Variants in DAZAP1 observed in about 807,000 individuals in gnomAD.
The protein encoded by DAZAP1 is DAZ associated protein 1, also known as DAZ-associated protein 1.
Under a neutral mutation model 60.1 loss-of-function variants are expected in DAZAP1, and 6 were observed. That is an observed-to-expected ratio of 0.10 (90% confidence interval 0.05 to 0.20). DAZAP1 has a LOEUF of 0.20. Among genes scored for constraint, DAZAP1 ranks in the 10% least tolerant of loss-of-function variants. The pLI is 1.00. For synonymous variants in DAZAP1, 235 were observed against 215.9 expected (o/e 1.09, Z -0.78); for missense variants, 366 against 560.4 (o/e 0.65, Z 3.50).
chr19:1,417,238 G>A (rs1038890799), intron 1 of DAZAP1: 2 of 520,392 alleles, frequency 3.8e-6, no homozygotes, highest in Admixed American at 3.6e-5. Context: ...GGAACTCATC[G>A]CCCGCCACGC....
intron 6 of DAZAP1, among the ~76,000 whole-genome samples, chr19:1,424,148 C>T (rs1363034756): frequency 6.6e-6 from 1 of 152,026 alleles, no homozygotes; most frequent in Non-Finnish European, 1.5e-5. Context: ...GGGACCCCGC[C>T]TGTGTCTCGG....
chr19:1,429,909 T>A, intron 8 of DAZAP1, 58 bp from the exon 9 acceptor site: 1 of 1,551,312 alleles, frequency 6.4e-7, no homozygotes, highest in Non-Finnish European at 8.7e-7. Flanking sequence ...CGGCTCCTTC[T>A]CTGCGTCGGA....
chr19:1,430,043 C>T lies in DAZAP1; in HGVS notation c.730+47C>T, dbSNP rs1249247950. 3 of 1,577,640 alleles carry T rather than the reference C, an allele frequency of 1.9e-6. No homozygotes were observed. The African/African-American group carries it at 4.0e-5, about 21-fold the overall frequency. ...AAAGGCGGGGACAGAAGCCACATGG[C>T]AGGCTGACTCGCCAGGTGTCCTGGG... is the stretch of plus-strand genomic sequence containing the variant. On this transcript the variant is annotated intron_variant, in intron 9 of 11. Transcript: ENST00000233078.
intron 4 of DAZAP1, among the ~76,000 whole-genome samples, chr19:1,420,112 CAT>C (rs2083111469): frequency 8.4e-6 from 1 of 118,516 alleles, no homozygotes; most frequent in African/African-American, 3.4e-5. Context: ...CGCGCACACT[CAT>C]GAAACCATCC....
Position 1,433,562 on chromosome 19 carries a change from C to T in DAZAP1, c.1048+872C>T. ...GCTGTGGTTCCCCTGCCCCCACGCC[C>T]AGGCCTTGGGCCGAGGTTGCCGCAT... is the stretch of plus-strand genomic sequence containing the variant. On this transcript the variant is annotated intron_variant, in intron 11 of 11. Coordinates refer to ENST00000233078, the MANE Select transcript of DAZAP1 (RefSeq NM_018959.4). The surrounding 1 kb of genome is among the most constrained non-coding windows in gnomAD (Gnocchi z 6.1). The T allele has an allele frequency of 1.7e-6, 1 of 596,374 alleles. No homozygotes were observed. Among genetic ancestry groups the T allele is most frequent in the Non-Finnish European group, 3.0e-6 (1 of 334,642 alleles). The allele number at this position is 596,374 out of a possible 1,614,324, so 36.9% of individuals were successfully genotyped here. A position where few individuals can be genotyped will look rare whatever the true frequency, so the allele number is the denominator to read the frequency against.
At chr19:1,409,028 C>A (rs2082748596) in intron 1 of DAZAP1, among the ~76,000 whole-genome samples, 2 of 152,218 alleles carry the variant, frequency 1.3e-5, no homozygotes, top group South Asian at 4.1e-4. Context: ...AGCTACAGGT[C>A]ACACTTGTGG....
intron 1 of DAZAP1, among the ~76,000 whole-genome samples, chr19:1,413,989 CTG>C (rs3065755): frequency 0.058 from 7,529 of 129,954 alleles, 304 homozygotes; most frequent in African/African-American, 0.13. Context: ...CCCCAGTGAA[CTG>C]TGTGTGTGTG....
Position 1,407,594 on chromosome 19 carries a change from A to T in DAZAP1, c.-180A>T. 2 of 314,842 alleles carry T rather than the reference A, an allele frequency of 6.4e-6. No homozygotes were observed. Among genetic ancestry groups the T allele is most frequent in the Non-Finnish European group, 9.0e-6 (2 of 223,106 alleles). 19.5% of individuals were successfully genotyped at this position (314,842 alleles called of 1,614,324 possible). A position where few individuals can be genotyped will look rare whatever the true frequency, so the allele number is the denominator to read the frequency against. On this transcript the variant is annotated 5_prime_UTR_variant, in exon 1 of 12. Transcript: ENST00000233078. ...CGCGGCGGCGCGGGGACGCGCGGTG[A>T]CCGTTGGCGCCGAGGGGAGGAGGCA...
chr19:1,413,082 G>T (rs1038783136), intron 1 of DAZAP1, among the ~76,000 whole-genome samples: 1 of 152,152 alleles, frequency 6.6e-6, no homozygotes, highest in East Asian at 1.9e-4. Context: ...ATTGCTCACC[G>T]ACCCCTTCAT....
chr19:1,410,382 G>T (rs1169153472), intron 1 of DAZAP1, among the ~76,000 whole-genome samples: 2 of 152,168 alleles, frequency 1.3e-5, no homozygotes, highest in African/African-American at 4.8e-5. Context: ...GTCCTCCTTT[G>T]GGAGCGGGGC....
rs181197435 is a variant in DAZAP1, at chr19:1,432,056, T to C, written c.872-458T>C. 3.0e-4 allele frequency: 51 copies of C among 169,824 alleles called. No homozygotes were observed. The highest frequency in any genetic ancestry group is 2.6e-3 in the Admixed American group (45 of 16,996). The allele number at this position is 169,824 out of a possible 1,614,324, so 10.5% of individuals were successfully genotyped here. ...GGGTGGAACCTCGGCCTGCCTGATA[T>C]CCAGCAACAGAGGGCAAGGGCGGCA... On this transcript the variant is annotated intron_variant, in intron 10 of 11. Coordinates refer to ENST00000233078, the MANE Select transcript of DAZAP1 (RefSeq NM_018959.4). The surrounding 1 kb of genome is among the most constrained non-coding windows in gnomAD (Gnocchi z 4.9).
At position 1,435,645 on chromosome 19, in the gene DAZAP1, A is replaced by T. The variant is rs2083580584; in HGVS notation, c.*733A>T. ...AGGGCGTTTCCCATTGACCAGTTTG[A>T]CCCTGGTTTGAATAAAGAGAAGTGC... On this transcript the variant is annotated 3_prime_UTR_variant, in exon 12 of 12. Transcript: ENST00000233078. 1 of 152,158 alleles carries T rather than the reference A, an allele frequency of 6.6e-6. No individual in the cohort carries two copies. The highest frequency in any genetic ancestry group is 1.5e-5 in the Non-Finnish European group (1 of 68,048). The allele number at this position is 152,158 out of a possible 1,614,324, so 9.4% of individuals were successfully genotyped here. A position where few individuals can be genotyped will look rare whatever the true frequency, so the allele number is the denominator to read the frequency against.
At chr19:1,417,399 C>T in intron 1 of DAZAP1, 101 bp from the exon 2 acceptor site, 7 of 1,350,318 alleles carry the variant, frequency 5.2e-6, no homozygotes, top group Non-Finnish European at 6.2e-6. Flanking sequence ...TTTGCGTCAG[C>T]TGCTTCTGTG....
chr19:1,433,991 A>T lies in DAZAP1; in HGVS notation c.1049-746A>T. ...GCCACAAGCCTTCAGCGGGCCCAGG[A>T]TCCCCCAGAGAGAGCCCACGCCCAC... On this transcript the variant is annotated intron_variant, in intron 11 of 11. Coordinates refer to ENST00000233078, the MANE Select transcript of DAZAP1 (RefSeq NM_018959.4). This position sits in a 1 kb window ranked among gnomAD's most constrained non-coding sequence, Gnocchi z 6.1. The T allele has an allele frequency of 3.1e-6, 2 of 650,880 alleles. No individual in the cohort carries two copies. Among genetic ancestry groups the T allele is most frequent in the Non-Finnish European group, 5.3e-6 (2 of 379,710 alleles). The allele number at this position is 650,880 out of a possible 1,614,324, so 40.3% of individuals were successfully genotyped here.
chr19:1,415,575 C>T (rs1450769174), intron 1 of DAZAP1, among the ~76,000 whole-genome samples: 4 of 151,396 alleles, frequency 2.6e-5, no homozygotes, highest in Non-Finnish European at 4.4e-5. Context: ...CTGGCCCTGA[C>T]TCAGCGCGGG....
In DAZAP1 at chr19:1,416,239, A is replaced by G. The variant is rs923652774; in HGVS notation, c.30-1261A>G. The G allele has an allele frequency of 5.9e-5, 9 of 152,148 alleles. 1 individual carries two copies. The highest frequency in any genetic ancestry group is 1.0e-4 in the Non-Finnish European group (7 of 68,022). The allele number at this position is 152,148 out of a possible 1,614,324, so 9.4% of individuals were successfully genotyped here. A position where few individuals can be genotyped will look rare whatever the true frequency, so the allele number is the denominator to read the frequency against. On this transcript the variant is annotated intron_variant, in intron 1 of 11. Coordinates refer to ENST00000233078, the MANE Select transcript of DAZAP1 (RefSeq NM_018959.4). This position sits in a 1 kb window ranked among gnomAD's most constrained non-coding sequence, Gnocchi z 4.3. ...ACAGCGACGTTTTTGCTGAAAGCCG[A>G]AGCCAAGGGTGGTGTGGTTGGCCGT...
intron 4 of DAZAP1, among the ~76,000 whole-genome samples, chr19:1,419,462 G>A (rs2083082374): frequency 6.6e-6 from 1 of 152,176 alleles, no homozygotes; most frequent in Admixed American, 6.5e-5. Flanking sequence ...CATTCCTAAG[G>A]ACCGGAGGGT....
At chr19:1,408,752 C>T (rs368054018) in intron 1 of DAZAP1, among the ~76,000 whole-genome samples, 4 of 152,258 alleles carry the variant, frequency 2.6e-5, no homozygotes, top group African/African-American at 7.2e-5. Context: ...CTGACCTGCT[C>T]CGGACCCCGC....
chr19:1,421,327 G>C, intron 5 of DAZAP1, 69 bp downstream of exon 5: 28 of 1,447,228 alleles, frequency 1.9e-5, no homozygotes, highest in Non-Finnish European at 2.6e-5. Flanking sequence ...GGGCCTTCTT[G>C]GGGCTGGAGT....
Sources: allele counts gnomAD v4.1 joint callset (sites outside exome capture counted in the v4.1 genomes callset), GRCh38; gene constraint gnomAD v4.1.1; non-coding constraint Gnocchi (gnomAD v3.1); transcripts MANE v1.5; gene names NCBI Gene and HGNC (gene_info 2026-07-23, HGNC 2026-07-21).